Variants in ADAMTS9 observed in about 807,000 individuals in gnomAD.
The protein encoded by ADAMTS9 is ADAM metallopeptidase with thrombospondin type 1 motif 9.
ADAMTS9 carries 107 observed loss-of-function variants against 257.1 expected under a neutral mutation model. The ratio of observed to expected loss-of-function variants is 0.42; its 90% CI spans 0.36 to 0.49. The LOEUF is 0.49. Among genes scored for constraint, ADAMTS9 ranks in the 20% least tolerant of loss-of-function variants. ADAMTS9 has a pLI of 0.03. For synonymous variants in ADAMTS9, 982 were observed against 880.9 expected (o/e 1.11, Z -2.03); for missense variants, 2,353 against 2,469.1 (o/e 0.95, Z 1.00).
chr3:64,643,861 A>T (rs1419328841), intron 11 of ADAMTS9, among the ~76,000 whole-genome samples: 1 of 151,896 alleles, frequency 6.6e-6, no homozygotes, highest in East Asian at 1.9e-4. Context: ...TCATGTCGAC[A>T]TTTTAACATA....
At chr3:64,659,120 G>A (rs1018806491) in intron 3 of ADAMTS9, among the ~76,000 whole-genome samples, 7 of 152,198 alleles carry the variant, frequency 4.6e-5, no homozygotes, top group African/African-American at 1.4e-4. Flanking sequence ...CACGCTCACT[G>A]TTATTTGCCA....
At chr3:64,632,185 C>A (rs1700383381) in intron 14 of ADAMTS9, among the ~76,000 whole-genome samples, 1 of 151,984 alleles carries the variant, frequency 6.6e-6, no homozygotes, top group South Asian at 2.1e-4. Context: ...TCAGAGTTGG[C>A]ATTTTAATAG....
In ADAMTS9 at chr3:64,686,564, T is replaced by C; in HGVS notation, c.516+4A>G. Reference sequence around the variant, plus strand: ...GGGAGAGGAGGTGGCGCGCGCCCACTTACCATTCCTGAGCAGAGGCTGATG... The same window carrying C: ...GGGAGAGGAGGTGGCGCGCGCCCACCTACCATTCCTGAGCAGAGGCTGATG... On this transcript the variant is annotated splice_donor_region_variant and intron_variant, in intron 2 of 39. Transcript: ENST00000498707. This position sits in a 1 kb window ranked among gnomAD's most constrained non-coding sequence, Gnocchi z 4.6. 6.2e-7 allele frequency: 1 copy of C among 1,600,044 alleles called. No homozygotes were observed. The highest frequency in any genetic ancestry group is 8.5e-7 in the Non-Finnish European group (1 of 1,172,260).
At chr3:64,594,053 G>GTACACTTA (rs2084313851) in intron 28 of ADAMTS9, among the ~76,000 whole-genome samples, 1 of 150,566 alleles carries the variant, frequency 6.6e-6, no homozygotes, top group African/African-American at 2.4e-5. Flanking sequence ...CCTGTATGAG[G>GTACACTTA]TACACTTATT....
intron 30 of ADAMTS9, among the ~76,000 whole-genome samples, chr3:64,561,080 T>A (rs978645927): frequency 1.3e-5 from 2 of 151,398 alleles, no homozygotes; most frequent in Admixed American, 1.3e-4. Context: ...TTTTTTTTTT[T>A]AAATGTTAGA....
At chr3:64,531,741 G>T (rs2082983974) in intron 38 of ADAMTS9, among the ~76,000 whole-genome samples, 1 of 152,120 alleles carries the variant, frequency 6.6e-6, no homozygotes, top group African/African-American at 2.4e-5. Flanking sequence ...AATTTAACTG[G>T]GTGTCCTGTA....
At chr3:64,615,269 G>C (rs766808007) in intron 21 of ADAMTS9, 52 bp downstream of exon 21, 1 of 1,586,616 alleles carries the variant, frequency 6.3e-7, no homozygotes, top group East Asian at 2.2e-5. Flanking sequence ...GAGAGCACCA[G>C]AACTAGAATG....
At chr3:64,609,178 G>GAA (rs1468768533) in intron 22 of ADAMTS9, among the ~76,000 whole-genome samples, 2 of 152,182 alleles carry the variant, frequency 1.3e-5, no homozygotes, top group African/African-American at 4.8e-5. Flanking sequence ...CTCAATAGTA[G>GAA]AAGAGTAAAA....
intron 29 of ADAMTS9, chr3:64,565,870 G>T (rs1472669962): frequency 1.3e-5 from 2 of 152,100 alleles, no homozygotes; most frequent in African/African-American, 4.8e-5. Context: ...TTCAAGAAAA[G>T]CTGATTTTCT....
chr3:64,547,389 G>A (rs1225757791), intron 31 of ADAMTS9, among the ~76,000 whole-genome samples: 1 of 151,696 alleles, frequency 6.6e-6, no homozygotes. Flanking sequence ...CATTTTGAGT[G>A]TGAAATCCAA....
At chr3:64,645,278 G>A (rs959069263) in intron 11 of ADAMTS9, among the ~76,000 whole-genome samples, 3 of 152,172 alleles carry the variant, frequency 2.0e-5, no homozygotes, top group African/African-American at 4.8e-5. Flanking sequence ...CTTGGAGGTT[G>A]ATTTTGTCCA....
chr3:64,653,496 T>G (rs994728491), intron 8 of ADAMTS9, among the ~76,000 whole-genome samples: 8 of 152,176 alleles, frequency 5.3e-5, no homozygotes, highest in South Asian at 2.1e-4. Context: ...TGTATATGCA[T>G]CTCCCTCTGT....
chr3:64,628,362 T>G (rs1013583094), intron 16 of ADAMTS9, among the ~76,000 whole-genome samples: 16 of 152,148 alleles, frequency 1.1e-4, no homozygotes, highest in Non-Finnish European at 2.4e-4. Context: ...AAGGGAAGAA[T>G]AGCAGAGAAT....
intron 12 of ADAMTS9, among the ~76,000 whole-genome samples, chr3:64,636,153 T>C (rs1237210806): frequency 6.6e-6 from 1 of 152,224 alleles, no homozygotes; most frequent in Non-Finnish European, 1.5e-5. Flanking sequence ...CAGCAGTTCT[T>C]CGGACTGCAA....
chr3:64,677,266 A>G (rs1167023896), intron 3 of ADAMTS9, among the ~76,000 whole-genome samples: 1 of 152,142 alleles, frequency 6.6e-6, no homozygotes. Context: ...CCCATCGTGA[A>G]CCCTAAAGAA....
intron 38 of ADAMTS9, among the ~76,000 whole-genome samples, chr3:64,526,762 T>A (rs2082915295): frequency 6.6e-6 from 1 of 152,176 alleles, no homozygotes; most frequent in African/African-American, 2.4e-5. Flanking sequence ...AAAATAGGGA[T>A]AATAATAGTA....
intron 37 of ADAMTS9, among the ~76,000 whole-genome samples, chr3:64,537,953 C>A (rs2083070894): frequency 6.6e-6 from 1 of 152,210 alleles, no homozygotes; most frequent in South Asian, 2.1e-4. Context: ...ACTTGCCACG[C>A]CTCTCTCAGG....
At chr3:64,517,399 C>T (rs983901254) in intron 39 of ADAMTS9, among the ~76,000 whole-genome samples, 1 of 94,700 alleles carries the variant, frequency 1.1e-5, no homozygotes, top group Non-Finnish European at 2.4e-5. Context: ...ACCATCAAGC[C>T]CAGCTAATTA....
Position 64,615,144 on chromosome 3 carries a change from C to T in ADAMTS9, c.3189+177G>A, listed in dbSNP as rs193026988. ...CCTGAGGTCACTGGTAGACTAGTTA[C>T]ATCCAGTACGACAGTCATGGTGCAG... On this transcript the variant is annotated intron_variant, in intron 21 of 39. Transcript: ENST00000498707. 86 of 703,336 alleles carry T rather than the reference C, an allele frequency of 1.2e-4. 1 individual carries two copies. In the Admixed American group the frequency reaches 1.5e-3, roughly 13 times the overall value. 43.6% of individuals were successfully genotyped at this position (703,336 alleles called of 1,614,324 possible). A position where few individuals can be genotyped will look rare whatever the true frequency, so the allele number is the denominator to read the frequency against.
Sources: allele counts gnomAD v4.1 joint callset (sites outside exome capture counted in the v4.1 genomes callset), GRCh38; gene constraint gnomAD v4.1.1; non-coding constraint Gnocchi (gnomAD v3.1); transcripts MANE v1.5; gene names NCBI Gene and HGNC (gene_info 2026-07-23, HGNC 2026-07-21).